GLB1: variants seen among roughly 807,000 people sequenced by gnomAD.
GLB1 encodes galactosidase beta 1, also known as beta-galactosidase.
Under a neutral mutation model 74.0 loss-of-function variants are expected in GLB1, and 56 were observed. The observed-to-expected ratio is 0.76, with a 90% CI of 0.61 to 0.94. GLB1 has a LOEUF of 0.94. GLB1 is among the 40% of genes least tolerant of loss of function. The pLI, the probability that GLB1 is intolerant of heterozygous loss-of-function variation, is 0.00. For synonymous variants in GLB1, 323 were observed against 323.6 expected (o/e 1.00, Z 0.02); for missense variants, 787 against 845.5 (o/e 0.93, Z 0.86).
intron 15 of GLB1, among the ~76,000 whole-genome samples, chr3:33,013,069 A>G (rs926089485): frequency 6.6e-6 from 1 of 152,182 alleles, no homozygotes; most frequent in Non-Finnish European, 1.5e-5. Context: ...CGTGGCCTAT[A>G]AGGCCCGTCC....
the GLB1 span, among the ~76,000 whole-genome samples, chr3:32,981,495 C>G: frequency 2.6e-5 from 4 of 151,678 alleles, no homozygotes; most frequent in African/African-American, 9.7e-5. Context: ...CGATACTGAC[C>G]GGGCACGGTG....
chr3:33,022,563 G>GTTTTTTTTTTTT (rs1380045437), intron 11 of GLB1, among the ~76,000 whole-genome samples: 2 of 15,318 alleles, frequency 1.3e-4, no homozygotes, highest in African/African-American at 2.0e-4. Flanking sequence ...TACTGGTTAG[G>GTTTTTTTTTTTT]ATTTTTTTTT....
At chr3:32,990,439 G>A in the GLB1 span, among the ~76,000 whole-genome samples, 2 of 152,212 alleles carry the variant, frequency 1.3e-5, no homozygotes, top group Non-Finnish European at 2.9e-5. Context: ...GTCCTACACA[G>A]TGGCATGGGG....
At chr3:32,992,426 C>A (rs1222826676), downstream of GLB1, among the ~76,000 whole-genome samples, 1 of 152,182 alleles carries the variant, frequency 6.6e-6, no homozygotes, top group Non-Finnish European at 1.5e-5. Context: ...TGATCAGTTA[C>A]CTGCTTCTGT....
chr3:33,091,378 G>A lies in GLB1; in HGVS notation c.75+5633C>T, dbSNP rs559819297. The A allele has an allele frequency of 3.5e-5, 34 of 985,504 alleles. No individual in the cohort carries two copies. In the South Asian group the frequency reaches 1.5e-3, roughly 42 times the overall value. The allele number at this position is 985,504 out of a possible 1,614,324, so 61.0% of individuals were successfully genotyped here. A position where few individuals can be genotyped will look rare whatever the true frequency, so the allele number is the denominator to read the frequency against. ...CCTTTGCCTGCCAGAATGCACATGA[G>A]GGAAGGAAGGCAAACCCCTAGCAGT... On this transcript the variant is annotated intron_variant, in intron 1 of 15. Transcript: ENST00000307363.
At chr3:33,023,836 T>G (rs1449338027) in intron 11 of GLB1, among the ~76,000 whole-genome samples, 1 of 152,166 alleles carries the variant, frequency 6.6e-6, no homozygotes, top group East Asian at 1.9e-4. Context: ...AGTATATAAT[T>G]TAGGGCAGAG....
At chr3:33,050,643 G>GAATGCT (rs1358079765) in intron 9 of GLB1, among the ~76,000 whole-genome samples, 1 of 152,230 alleles carries the variant, frequency 6.6e-6, no homozygotes, top group Non-Finnish European at 1.5e-5. Flanking sequence ...AGTGTGGAAT[G>GAATGCT]AATGCTAATG....
intron 9 of GLB1, among the ~76,000 whole-genome samples, chr3:33,047,857 C>T (rs1403640286): frequency 5.3e-5 from 8 of 152,134 alleles, no homozygotes; most frequent in Non-Finnish European, 5.9e-5. Context: ...TACCATTTCC[C>T]CCATTTCTTA....
chr3:32,991,091 A>G, the GLB1 span, among the ~76,000 whole-genome samples: 1 of 152,186 alleles, frequency 6.6e-6, no homozygotes, highest in South Asian at 2.1e-4. Flanking sequence ...ACCCAAAGAA[A>G]CAGAAACCAC....
chr3:33,009,010 A>T (rs927589599), intron 15 of GLB1, among the ~76,000 whole-genome samples: 61 of 151,712 alleles, frequency 4.0e-4, no homozygotes, highest in Non-Finnish European at 7.1e-4. Context: ...TCCCAGCTAC[A>T]TGGGAGGCTG....
intron 15 of GLB1, among the ~76,000 whole-genome samples, chr3:33,011,852 C>T (rs1030544738): frequency 6.6e-6 from 1 of 152,122 alleles, no homozygotes; most frequent in East Asian, 1.9e-4. Context: ...TTCAAGTATT[C>T]CTGTTCGTAT....
intron 12 of GLB1, chr3:33,021,266 A>G (rs1215818140): frequency 1.2e-5 from 5 of 433,542 alleles, no homozygotes; most frequent in Non-Finnish European, 2.1e-5. Flanking sequence ...GCCTAGTAAT[A>G]AAGATTAATT....
Position 33,005,217 on chromosome 3 carries a change from G to A in GLB1, c.1735-7873C>T, listed in dbSNP as rs540665339. 8.2e-4 allele frequency among the ~76,000 whole-genome samples: 125 copies of A among 152,224 alleles called. 1 individual carries two copies. The highest frequency in any genetic ancestry group is 1.3e-3 in the Non-Finnish European group (87 of 68,012). ...GGTGGGATTGAAAGAGGCTAGTTAT[G>A]AATAACAAAAGACACTCCTACCACT... On this transcript the variant is annotated intron_variant, in intron 15 of 15. Coordinates refer to ENST00000307363, the MANE Select transcript of GLB1 (RefSeq NM_000404.4).
intron 15 of GLB1, among the ~76,000 whole-genome samples, chr3:33,004,594 C>T (rs1438047390): frequency 6.6e-6 from 1 of 152,230 alleles, no homozygotes; most frequent in Non-Finnish European, 1.5e-5. Context: ...TCAGCCATGT[C>T]TGTGCCTTTC....
At chr3:32,964,320 G>T in the GLB1 span, among the ~76,000 whole-genome samples, 1 of 152,184 alleles carries the variant, frequency 6.6e-6, no homozygotes, top group Non-Finnish European at 1.5e-5. Flanking sequence ...GTGTGGTCTA[G>T]TTGGGCTCCT....
chr3:32,972,681 A>C, the GLB1 span, among the ~76,000 whole-genome samples: 2 of 152,216 alleles, frequency 1.3e-5, no homozygotes, highest in South Asian at 4.1e-4. Flanking sequence ...GCTCAGCTCC[A>C]AGAGGAGGTG....
downstream of GLB1, among the ~76,000 whole-genome samples, chr3:32,992,149 C>T (rs1043077974): frequency 6.6e-6 from 1 of 152,246 alleles, no homozygotes; most frequent in South Asian, 2.1e-4. Context: ...CGTAGGCTCA[C>T]GCTGCCCTCC....
chr3:33,093,556 C>G lies in GLB1; in HGVS notation c.75+3455G>C. 2 of 1,614,216 alleles carry G rather than the reference C, an allele frequency of 1.2e-6. No individual in the cohort carries two copies. Among genetic ancestry groups the G allele is most frequent in the African/African-American group, 2.7e-5 (2 of 75,064 alleles). On this transcript the variant is annotated intron_variant, in intron 1 of 15. Transcript: ENST00000307363. The surrounding 1 kb of genome is among the most constrained non-coding windows in gnomAD (Gnocchi z 6.0). ...CCCACTGTGGGGCCCAAGTGAATGT[C>G]TGAGAGGAGCACGATCTTGAGGTTG...
chr3:33,088,292 C>T (rs1231065430), intron 1 of GLB1, among the ~76,000 whole-genome samples: 2 of 151,416 alleles, frequency 1.3e-5, no homozygotes, highest in Non-Finnish European at 2.9e-5. Flanking sequence ...AAATAAAAGG[C>T]ATTCAAATTA....
Sources: gnomAD v4.1 joint callset for allele counts (sites outside exome capture counted in the v4.1 genomes callset) on GRCh38, gnomAD v4.1.1 for gene constraint, Gnocchi (gnomAD v3.1) non-coding constraint, MANE v1.5 for transcripts, NCBI Gene and HGNC (gene_info 2026-07-23, HGNC 2026-07-21) for gene names.